Variants in SRP19 observed in about 807,000 individuals in gnomAD.
The protein encoded by SRP19 is signal recognition particle 19 kDa protein.
Under a neutral mutation model 22.4 loss-of-function variants are expected in SRP19, and 11 were observed. The ratio of observed to expected loss-of-function variants is 0.49; its 90% CI spans 0.31 to 0.81. SRP19 has a LOEUF of 0.81. SRP19 is among the 40% of genes least tolerant of loss of function. The pLI, the probability that SRP19 is intolerant of heterozygous loss-of-function variation, is 0.05. For synonymous variants in SRP19, 61 were observed against 57.6 expected, an observed-to-expected ratio of 1.06 and a Z score of -0.27; for missense variants, 168 against 175.9, an observed-to-expected ratio of 0.96 and a Z score of 0.25.
downstream of SRP19, chr5:112,893,879 A>T (rs1413465635): frequency 6.6e-6 from 1 of 152,242 alleles, no homozygotes; most frequent in East Asian, 1.9e-4. Flanking sequence ...AGCATGCCCT[A>T]AGTTTAGCCA....
chr5:112,878,689 G>C (rs1034569870), intron 4 of SRP19: 1 of 1,518,426 alleles, frequency 6.6e-7, no homozygotes, highest in African/African-American at 1.4e-5. Flanking sequence ...TGTTTCCAAG[G>C]CAACATTATT....
At chr5:112,865,163 G>A (rs1767548864) in intron 4 of SRP19, 2 of 152,814 alleles carry the variant, frequency 1.3e-5, no homozygotes, top group Admixed American at 1.3e-4. Flanking sequence ...ACATAGTGTG[G>A]TACCACTTAG....
downstream of SRP19, chr5:112,894,893 A>G (rs1768631174): frequency 6.6e-6 from 1 of 152,236 alleles, no homozygotes; most frequent in African/African-American, 2.4e-5. Flanking sequence ...AGATGTCCAT[A>G]TTAAAACCAG....
At chr5:112,873,345 C>CT (rs71626678), downstream of SRP19, among the ~76,000 whole-genome samples, 29,296 of 58,926 alleles carry the variant, frequency 0.5, 7,282 homozygotes, top group Non-Finnish European at 0.59. Context: ...CTTTCCTATT[C>CT]TTTTTTTTTT....
At chr5:112,888,516 G>A (rs1047433639) in intron 4 of SRP19, among the ~76,000 whole-genome samples, 2 of 152,118 alleles carry the variant, frequency 1.3e-5, no homozygotes, top group African/African-American at 4.8e-5. Context: ...TTGAACTCCT[G>A]GGTTCAAACA....
chr5:112,896,072 G>A (rs147780329), downstream of SRP19: 1 of 152,758 alleles, frequency 6.5e-6, no homozygotes, highest in East Asian at 1.9e-4. Context: ...TTAACATGCA[G>A]TTACGGAACT....
At chr5:112,876,379 T>C (rs562524912) in intron 4 of SRP19, 1 of 152,192 alleles carries the variant, frequency 6.6e-6, no homozygotes, top group Non-Finnish European at 1.5e-5. Context: ...AAATGAAATA[T>C]AACAGTTAAA....
chr5:112,864,977 C>A, intron 4 of SRP19: 1 of 316,504 alleles, frequency 3.2e-6, no homozygotes, highest in Non-Finnish European at 5.8e-6. Context: ...ATTTTATAAA[C>A]CTCTGGAAGT....
At chr5:112,888,515 T>G (rs1768331255) in intron 4 of SRP19, among the ~76,000 whole-genome samples, 1 of 152,166 alleles carries the variant, frequency 6.6e-6, no homozygotes, top group South Asian at 2.1e-4. Context: ...CTTGAACTCC[T>G]GGGTTCAAAC....
At chr5:112,896,034 A>T (rs73221991), downstream of SRP19, 8 of 152,556 alleles carry the variant, frequency 5.2e-5, no homozygotes, top group African/African-American at 1.9e-4. Context: ...TTTCCCCCAG[A>T]AGAGATATTT....
intron 4 of SRP19, chr5:112,878,524 G>C (rs1767965295): frequency 2.1e-6 from 1 of 470,730 alleles, no homozygotes; most frequent in Non-Finnish European, 3.7e-6. Context: ...CTGCAGGATA[G>C]CAACATACAT....
chr5:112,891,673 A>C, exon 5 of SRP19: 3 of 1,613,552 alleles, frequency 1.9e-6, no homozygotes, highest in Non-Finnish European at 2.5e-6. Flanking sequence ...GTTTCCCAAG[A>C]AGATGACATT....
At chr5:112,875,354 GTTTTGT>G (rs1767869992) in intron 4 of SRP19, among the ~76,000 whole-genome samples, 1 of 141,914 alleles carries the variant, frequency 7.0e-6, no homozygotes. Context: ...TCAGAAGTAC[GTTTTGT>G]TTTTGTTTTT....
intron 4 of SRP19, among the ~76,000 whole-genome samples, chr5:112,888,248 T>C (rs1768321903): frequency 6.6e-6 from 1 of 152,216 alleles, no homozygotes; most frequent in African/African-American, 2.4e-5. Context: ...AAGACAGTCT[T>C]TCAGGTGTTT....
intron 4 of SRP19, among the ~76,000 whole-genome samples, chr5:112,866,109 C>CT (rs201372715): frequency 4.5e-5 from 5 of 111,450 alleles, no homozygotes; most frequent in Non-Finnish European, 5.9e-5. Flanking sequence ...ACACTGCAGT[C>CT]TTTTTTCTTT....
chr5:112,881,721 T>G (rs1768080860), intron 4 of SRP19, among the ~76,000 whole-genome samples: 1 of 152,170 alleles, frequency 6.6e-6, no homozygotes, highest in Admixed American at 6.6e-5. Context: ...CCTTAGTTCT[T>G]GAAGATTTTA....
intron 4 of SRP19, among the ~76,000 whole-genome samples, chr5:112,884,717 C>T (rs1009830742): frequency 6.6e-6 from 1 of 151,416 alleles, no homozygotes; most frequent in Non-Finnish European, 1.5e-5. Flanking sequence ...TTCAGTAGAG[C>T]CTTCTGGTAT....
At chr5:112,871,284 T>C (rs978804402), downstream of SRP19, among the ~76,000 whole-genome samples, 1 of 125,792 alleles carries the variant, frequency 7.9e-6, no homozygotes, top group Admixed American at 8.8e-5. Context: ...AGTTGTTAAG[T>C]GAAAACTGTA....
intron 4 of SRP19, among the ~76,000 whole-genome samples, chr5:112,881,127 T>TC: frequency 4.6e-5 from 1 of 21,646 alleles, no homozygotes; most frequent in Non-Finnish European, 7.4e-5. Flanking sequence ...AGACTCTGTT[T>TC]CAAAAAAAAA....
Sources: gnomAD v4.1 joint callset for allele counts (sites outside exome capture counted in the v4.1 genomes callset) on GRCh38, gnomAD v4.1.1 for gene constraint, MANE v1.5 for transcripts, NCBI Gene and HGNC (gene_info 2026-07-23, HGNC 2026-07-21) for gene names.